The following CDC73 variants were observed in gnomAD, a reference collection of about 807,000 sequenced individuals.
The protein encoded by CDC73 is cell division cycle 73.
CDC73 carries 21 observed loss-of-function variants against 83.7 expected under a neutral mutation model. The observed-to-expected ratio is 0.25, with a 90% confidence interval of 0.18 to 0.36. The LOEUF (loss-of-function observed/expected upper bound fraction) is 0.36. CDC73 is among the 10% of genes least tolerant of loss of function. The pLI is 1.00. For missense variants in CDC73, 342 were observed against 653.3 expected (o/e 0.52, Z 5.19); for synonymous variants, 224 against 212.9 (o/e 1.05, Z -0.45).
At chr1:193,168,796 A>C (rs1363020879) in intron 10 of CDC73, among the ~76,000 whole-genome samples, 2 of 152,234 alleles carry the variant, frequency 1.3e-5, no homozygotes, top group Non-Finnish European at 2.9e-5. Context: ...AAGTGCTGGG[A>C]TTACACGCGT....
chr1:193,139,977 C>A (rs1284357296), intron 6 of CDC73, among the ~76,000 whole-genome samples: 2 of 152,164 alleles, frequency 1.3e-5, no homozygotes, highest in African/African-American at 4.8e-5. Flanking sequence ...TTGTGCTAGT[C>A]AGAATTCTGC....
chr1:193,147,749 C>G (rs1278537156), intron 7 of CDC73, 118 bp from the exon 8 acceptor site: 1 of 706,378 alleles, frequency 1.4e-6, no homozygotes, highest in South Asian at 1.6e-5. Flanking sequence ...AATAATGATA[C>G]CTTATGACAT....
At chr1:193,226,099 A>G (rs1384714366) in intron 13 of CDC73, among the ~76,000 whole-genome samples, 1 of 152,086 alleles carries the variant, frequency 6.6e-6, no homozygotes, top group South Asian at 2.1e-4. Flanking sequence ...TGATTTTTGT[A>G]TAAGGTGAGA....
intron 7 of CDC73, among the ~76,000 whole-genome samples, chr1:193,146,279 T>C (rs1186594309): frequency 1.3e-5 from 2 of 152,170 alleles, no homozygotes; most frequent in Admixed American, 1.3e-4. Flanking sequence ...AAAGGAACTG[T>C]CAGACATTAG....
intron 2 of CDC73, among the ~76,000 whole-genome samples, chr1:193,125,737 G>A (rs754698815): frequency 6.6e-6 from 1 of 151,798 alleles, no homozygotes; most frequent in Admixed American, 6.6e-5. Context: ...CCACCATGCC[G>A]GGCTAATTTT....
At chr1:193,125,679 C>G (rs1387848510) in intron 2 of CDC73, among the ~76,000 whole-genome samples, 1 of 151,870 alleles carries the variant, frequency 6.6e-6, no homozygotes, top group Non-Finnish European at 1.5e-5. Context: ...CGGGCTCAAG[C>G]CAGCCTCCCA....
At chr1:193,189,793 T>C (rs1676887069) in intron 10 of CDC73, among the ~76,000 whole-genome samples, 1 of 152,220 alleles carries the variant, frequency 6.6e-6, no homozygotes, top group South Asian at 2.1e-4. Context: ...TAGTTAATGG[T>C]TTTGAATGAT....
rs200166430 is a variant in CDC73 at position 193,250,752 on chromosome 1, C to T, written c.*40C>T. The stretch of plus-strand genomic sequence containing the variant: ...CCATTTCTGGAAATTGAGACTCAAG[C>T]TTTATGAATTTATCAAGAACTTAAA... On this transcript the variant is annotated 3_prime_UTR_variant, in exon 17 of 17. Transcript: ENST00000367435. 27 of 1,537,414 alleles carry T rather than the reference C, an allele frequency of 1.8e-5. No individual in the cohort carries two copies. In the South Asian group the frequency reaches 2.5e-4, roughly 14 times the overall value.
intron 15 of CDC73, among the ~76,000 whole-genome samples, chr1:193,239,080 G>T (rs919513371): frequency 6.6e-6 from 1 of 152,100 alleles, no homozygotes; most frequent in Non-Finnish European, 1.5e-5. Flanking sequence ...TAAAAATTAT[G>T]TCTTTAGCTC....
At chr1:193,224,137 A>G (rs186752820) in intron 13 of CDC73, among the ~76,000 whole-genome samples, 6 of 151,640 alleles carry the variant, frequency 4.0e-5, no homozygotes, top group African/African-American at 9.7e-5. Context: ...ATCAACTTCT[A>G]TCTCCTCCAC....
intron 10 of CDC73, among the ~76,000 whole-genome samples, chr1:193,191,178 C>G (rs1676911875): frequency 6.6e-6 from 1 of 152,098 alleles, no homozygotes; most frequent in Non-Finnish European, 1.5e-5. Context: ...TTGTACTTTG[C>G]TTTGTTCTAA....
intron 5 of CDC73, among the ~76,000 whole-genome samples, chr1:193,137,777 G>C (rs1675826520): frequency 6.6e-6 from 1 of 152,170 alleles, no homozygotes; most frequent in Non-Finnish European, 1.5e-5. Flanking sequence ...TTCTCAAAAA[G>C]ATGAATTTAT....
intron 3 of CDC73, among the ~76,000 whole-genome samples, chr1:193,134,370 T>TA (rs892514038): frequency 1.2e-4 from 18 of 151,956 alleles, no homozygotes; most frequent in Middle Eastern, 3.4e-3. Flanking sequence ...TCAGTAGCTA[T>TA]AAAAAAATGG....
intron 10 of CDC73, chr1:193,180,870 T>C: frequency 2.5e-6 from 4 of 1,613,420 alleles, no homozygotes; most frequent in Non-Finnish European, 3.4e-6. Context: ...TGCCCATTAG[T>C]GTTTTAATGG....
chr1:193,152,866 G>A (rs149692303), intron 10 of CDC73, among the ~76,000 whole-genome samples: 1,861 of 151,970 alleles, frequency 0.012, 19 homozygotes, highest in South Asian at 0.034. Context: ...TGCAACCTCC[G>A]CCTCCCGGGT....
intron 10 of CDC73, among the ~76,000 whole-genome samples, chr1:193,158,260 A>G (rs1294858885): frequency 3.3e-5 from 5 of 152,084 alleles, no homozygotes; most frequent in African/African-American, 9.7e-5. Flanking sequence ...TTTGAGAGAA[A>G]GTAGCTGCAA....
At chr1:193,236,911 G>T (rs1189328559) in intron 15 of CDC73, 2 of 151,370 alleles carry the variant, frequency 1.3e-5, no homozygotes, top group Admixed American at 6.6e-5. Flanking sequence ...TAATACTGTT[G>T]CATGTCCATA....
chr1:193,159,813 C>G (rs1361706038), intron 10 of CDC73, among the ~76,000 whole-genome samples: 1 of 152,080 alleles, frequency 6.6e-6, no homozygotes, highest in Non-Finnish European at 1.5e-5. Flanking sequence ...TTAGACTGAA[C>G]ACTTATTTAG....
rs945631446 is a variant in CDC73, at chr1:193,147,962, T to C, written c.825T>C (p.Pro275=). The C allele has an allele frequency of 1.2e-6, 2 of 1,605,096 alleles. No individual in the cohort carries two copies. The highest frequency in any genetic ancestry group is 1.3e-5 in the African/African-American group (1 of 74,766). The part of the protein sequence containing the change: ...PEQRPAPNAA[P]VDPTLRTKQP... ...AGCGACCTGCCCCAAATGCAGCACC[T>C]GTGGTAAGAATGCTTTACTGCTTTA... Residue 275 remains proline, a synonymous_variant, in exon 8 of 17, where the codon CCT becomes CCC. Coordinates refer to ENST00000367435, the MANE Select transcript of CDC73 (RefSeq NM_024529.5).
Sources: allele counts gnomAD v4.1 joint callset (sites outside exome capture counted in the v4.1 genomes callset), GRCh38; gene constraint gnomAD v4.1.1; transcripts MANE v1.5; gene names NCBI Gene and HGNC (gene_info 2026-07-23, HGNC 2026-07-21).